The following MACROD2 variants were observed in gnomAD, a reference collection of about 807,000 sequenced individuals.
MACROD2 encodes ADP-ribose glycohydrolase MACROD2.
In MACROD2, 36 loss-of-function variants were observed where a neutral mutation model predicts 70.4. That is an observed-to-expected ratio of 0.51 (90% confidence interval 0.39 to 0.68). The LOEUF (loss-of-function observed/expected upper bound fraction) is 0.68. Ranked by LOEUF, MACROD2 falls within the 30% of genes least tolerant of loss-of-function variation. The probability of loss-of-function intolerance (pLI) is 0.00; values close to 1 mark genes in which losing one functional copy is unlikely to be tolerated. For missense variants in MACROD2, 496 were observed against 538.4 expected (o/e 0.92, Z 0.78); for synonymous variants, 172 against 178.8 (o/e 0.96, Z 0.30).
intron 8 of MACROD2, among the ~76,000 whole-genome samples, chr20:15,699,372 A>G (rs185327214): frequency 7.9e-5 from 12 of 152,124 alleles, no homozygotes; most frequent in African/African-American, 2.7e-4. Flanking sequence ...CAAGGAGTCT[A>G]CCTGGCTCCG....
chr20:14,375,284 C>CA (rs1568583652), intron 3 of MACROD2, among the ~76,000 whole-genome samples: 2 of 151,862 alleles, frequency 1.3e-5, no homozygotes, highest in African/African-American at 4.8e-5. Flanking sequence ...TAAGCAAAAA[C>CA]AATCATCAGA....
At chr20:14,552,731 C>G (rs1978741806) in intron 4 of MACROD2, among the ~76,000 whole-genome samples, 1 of 151,950 alleles carries the variant, frequency 6.6e-6, no homozygotes, top group South Asian at 2.1e-4. Flanking sequence ...GCAATTGTAA[C>G]AAAATGGTAA....
intron 3 of MACROD2, among the ~76,000 whole-genome samples, chr20:14,163,934 C>T (rs1340991618): frequency 6.6e-6 from 1 of 151,462 alleles, no homozygotes; most frequent in Non-Finnish European, 1.5e-5. Context: ...AATTATTTTT[C>T]TGGGATTTTG....
intron 5 of MACROD2, among the ~76,000 whole-genome samples, chr20:14,985,974 G>A (rs554671993): frequency 2.0e-5 from 3 of 152,032 alleles, no homozygotes; most frequent in East Asian, 1.9e-4. Context: ...AGGTTGTAGT[G>A]CAACATATTT....
intron 3 of MACROD2, among the ~76,000 whole-genome samples, chr20:14,165,427 A>T (rs1469568577): frequency 6.6e-6 from 1 of 152,002 alleles, no homozygotes; most frequent in Non-Finnish European, 1.5e-5. Context: ...TTCTTGCTTT[A>T]GGTGTTTCTG....
intron 10 of MACROD2, among the ~76,000 whole-genome samples, chr20:15,914,333 G>A (rs775911985): frequency 2.0e-5 from 3 of 152,234 alleles, no homozygotes; most frequent in Non-Finnish European, 2.9e-5. Flanking sequence ...GTGCTGAACA[G>A]CAATGAATTT....
chr20:15,335,029 T>C (rs2146197438), intron 6 of MACROD2, among the ~76,000 whole-genome samples: 1 of 151,834 alleles, frequency 6.6e-6, no homozygotes, highest in East Asian at 1.9e-4. Flanking sequence ...TGTTAGAAAT[T>C]TCTAAAGCTG....
Position 14,946,085 on chromosome 20 carries a change from G to A in MACROD2, c.418+261126G>A, listed in dbSNP as rs571164062. On this transcript the variant is annotated intron_variant, in intron 5 of 17. Coordinates refer to ENST00000684519, the MANE Select transcript of MACROD2 (RefSeq NM_001351661.2). ...ATATTGGCGAGTGCCTGTAATCCCA[G>A]CTACTGGGGAGGCTGAGGCACGAGA... Among the ~76,000 whole-genome samples the A allele has an allele frequency of 2.6e-3, 403 of 152,208 alleles. 3 individuals carry two copies. The highest frequency in any genetic ancestry group is 4.3e-3 in the Non-Finnish European group (295 of 68,004).
chr20:15,941,437 A>G (rs988885535), intron 12 of MACROD2, among the ~76,000 whole-genome samples: 1 of 152,172 alleles, frequency 6.6e-6, no homozygotes, highest in Non-Finnish European at 1.5e-5. Flanking sequence ...AGACCAGCTT[A>G]GAACAAGTGT....
At chr20:14,121,726 G>T (rs2054591626) in intron 3 of MACROD2, among the ~76,000 whole-genome samples, 1 of 152,132 alleles carries the variant, frequency 6.6e-6, no homozygotes. Flanking sequence ...CAGTTCTACA[G>T]ATGTGTTTTT....
intron 12 of MACROD2, among the ~76,000 whole-genome samples, chr20:15,942,983 T>C (rs988392094): frequency 6.6e-6 from 1 of 152,212 alleles, no homozygotes; most frequent in African/African-American, 2.4e-5. Flanking sequence ...TGGAACACCA[T>C]GTAAGTCATA....
chr20:14,417,159 T>C (rs2083818927), intron 3 of MACROD2, among the ~76,000 whole-genome samples: 1 of 152,204 alleles, frequency 6.6e-6, no homozygotes, highest in African/African-American at 2.4e-5. Context: ...AGACTTGTTT[T>C]ATTTTATCTT....
At chr20:15,911,201 G>A (rs2065232041) in intron 10 of MACROD2, among the ~76,000 whole-genome samples, 1 of 152,148 alleles carries the variant, frequency 6.6e-6, no homozygotes, top group Admixed American at 6.5e-5. Context: ...GGAGGTGCAG[G>A]GGTGGAGCAA....
chr20:14,503,945 T>C (rs919393953), intron 4 of MACROD2, among the ~76,000 whole-genome samples: 1 of 152,250 alleles, frequency 6.6e-6, no homozygotes, highest in African/African-American at 2.4e-5. Context: ...TACAAAAGCC[T>C]TGCTCTGTCA....
chr20:14,414,257 T>C (rs752238034), intron 3 of MACROD2, among the ~76,000 whole-genome samples: 1 of 152,218 alleles, frequency 6.6e-6, no homozygotes, highest in Non-Finnish European at 1.5e-5. Context: ...CTGCTTGTCC[T>C]GTATTCGTCT....
rs554961400 is a variant in MACROD2 at position 14,563,919 on chromosome 20, G to T, written c.301+70411G>T. Among the ~76,000 whole-genome samples, 47 of 151,998 alleles carry T rather than the reference G, an allele frequency of 3.1e-4. 1 individual carries two copies. The South Asian group carries it at 8.9e-3, about 29-fold the overall frequency. On this transcript the variant is annotated intron_variant, in intron 4 of 17. Coordinates refer to ENST00000684519, the MANE Select transcript of MACROD2 (RefSeq NM_001351661.2). ...AATCGTAAGCAAAAAGGATAAAGCT[G>T]GTGGTGTTACATTACTTGACTTCTA...
chr20:15,244,120 T>C (rs1292888032), intron 6 of MACROD2, among the ~76,000 whole-genome samples: 1 of 152,182 alleles, frequency 6.6e-6, no homozygotes, highest in Non-Finnish European at 1.5e-5. Context: ...GTCTATTATA[T>C]TTATATGGTG....
At chr20:14,654,889 C>T (rs113338245) in intron 4 of MACROD2, among the ~76,000 whole-genome samples, 4 of 152,186 alleles carry the variant, frequency 2.6e-5, no homozygotes, top group African/African-American at 9.6e-5. Flanking sequence ...TCAAGTGTCT[C>T]AGAAAAAAGC....
chr20:15,808,228 G>T (rs993644471), intron 8 of MACROD2, among the ~76,000 whole-genome samples: 3 of 152,118 alleles, frequency 2.0e-5, no homozygotes, highest in African/African-American at 7.2e-5. Context: ...GTGTCTGAGG[G>T]GTTTTGGCTG....
Sources: allele counts gnomAD v4.1 joint callset (sites outside exome capture counted in the v4.1 genomes callset), GRCh38; gene constraint gnomAD v4.1.1; transcripts MANE v1.5; gene names NCBI Gene and HGNC (gene_info 2026-07-23, HGNC 2026-07-21).